SLC43A1: variants seen among roughly 807,000 people sequenced by gnomAD.
SLC43A1 encodes the protein solute carrier family 43 member 1, also known as large neutral amino acids transporter small subunit 3.
SLC43A1 carries 31 observed loss-of-function variants against 59.5 expected under a neutral mutation model. The observed-to-expected ratio is 0.52, with a 90% CI of 0.39 to 0.70. The LOEUF is 0.70. SLC43A1 is among the 30% of genes least tolerant of loss of function. The probability of loss-of-function intolerance (pLI) is 0.00; values close to 1 mark genes in which losing one functional copy is unlikely to be tolerated. For missense variants in SLC43A1, 598 were observed against 717.8 expected (o/e 0.83, Z 1.91); for synonymous variants, 259 against 290.9 (o/e 0.89, Z 1.12).
At chr11:57,489,453 G>T in intron 11 of SLC43A1, 61 bp from the exon 12 acceptor site, 1 of 1,591,442 alleles carries the variant, frequency 6.3e-7, no homozygotes, top group Non-Finnish European at 8.6e-7. Context: ...CCTGGTTCTT[G>T]GCCTGGCCCC....
rs1943688667 is a variant in SLC43A1 at position 57,484,968 on chromosome 11, T to C, written c.*128A>G. 1.7e-6 allele frequency: 2 copies of C among 1,157,316 alleles called. No homozygotes were observed. The allele number at this position is 1,157,316 out of a possible 1,614,324, so 71.7% of individuals were successfully genotyped here. A position where few individuals can be genotyped will look rare whatever the true frequency, so the allele number is the denominator to read the frequency against. On this transcript the variant is annotated 3_prime_UTR_variant, in exon 15 of 15. Transcript: ENST00000278426. ...GCAGTCTTTACAAAAATAGAACTTC[T>C]CTTGGTATTTATAAATCTACGGCCA...
intron 8 of SLC43A1, among the ~76,000 whole-genome samples, chr11:57,492,972 G>C (rs901117025): frequency 2.0e-5 from 3 of 151,850 alleles, no homozygotes; most frequent in African/African-American, 7.3e-5. Flanking sequence ...CCCGGGAGGC[G>C]GAGGTTGCAG....
intron 12 of SLC43A1, 65 bp from the exon 13 acceptor site, chr11:57,489,054 A>G: frequency 6.6e-7 from 1 of 1,519,554 alleles, no homozygotes; most frequent in Non-Finnish European, 9.1e-7. Context: ...AAGGAGGGGT[A>G]GGGCGAAGAG....
Position 57,515,142 on chromosome 11 carries a change from A to C in SLC43A1, c.-14+302T>G. On this transcript the variant is annotated intron_variant, in intron 1 of 14. Transcript: ENST00000278426. The surrounding 1 kb of genome is among the most constrained non-coding windows in gnomAD (Gnocchi z 5.3). Reference sequence around the variant, plus strand: ...GGGACTCGGTATTCTCATCTGTGAAACGGGGCTTTGGGTTCAAGCGCTCCA... The same window carrying C: ...GGGACTCGGTATTCTCATCTGTGAACCGGGGCTTTGGGTTCAAGCGCTCCA... 1 of 920,106 alleles carries C rather than the reference A, an allele frequency of 1.1e-6. No individual in the cohort carries two copies. The highest frequency in any genetic ancestry group is 1.3e-6 in the Non-Finnish European group (1 of 770,466). The allele number at this position is 920,106 out of a possible 1,614,324, so 57.0% of individuals were successfully genotyped here. A position where few individuals can be genotyped will look rare whatever the true frequency, so the allele number is the denominator to read the frequency against.
rs1435073016 is a variant in SLC43A1, at chr11:57,489,324, C to T, written c.1262G>A (p.Ser421Asn). 4 of 1,614,186 alleles carry T rather than the reference C, an allele frequency of 2.5e-6. No homozygotes were observed. Among genetic ancestry groups the T allele is most frequent in the Middle Eastern group, 1.6e-4 (1 of 6,062 alleles). Residue 421 changes from serine (S) to asparagine (N), a missense_variant, in exon 12 of 15, where the codon AGT (serine) becomes AAT (asparagine). Transcript: ENST00000278426. Reference sequence around the variant, plus strand: ...CAGCAGGTTGGTCAGGGTGAAGGCACTGATGGCATTGGTGAGCTTTTGGAT... The same window carrying T: ...CAGCAGGTTGGTCAGGGTGAAGGCATTGATGGCATTGGTGAGCTTTTGGAT... ...CKIQKLTNAISAFTLTNLLLV... is the reference protein window; with the variant it reads ...CKIQKLTNAINAFTLTNLLLV...
Position 57,513,954 on chromosome 11 carries a change from A to C in SLC43A1, c.154+4T>G, listed in dbSNP as rs1944616129. The C allele has an allele frequency of 1.2e-5, 7 of 604,814 alleles. No individual in the cohort carries two copies. The highest frequency in any genetic ancestry group is 2.0e-5 in the Non-Finnish European group (7 of 344,124). The allele number at this position is 604,814 out of a possible 1,614,324, so 37.5% of individuals were successfully genotyped here. A position where few individuals can be genotyped will look rare whatever the true frequency, so the allele number is the denominator to read the frequency against. ...CAGCCCACCCAGCCCATTTTCAGGCATACCTGGGCACGTGCTGGAATAGAA... is the reference window on the plus strand; with the variant it reads ...CAGCCCACCCAGCCCATTTTCAGGCCTACCTGGGCACGTGCTGGAATAGAA... On this transcript the variant is annotated splice_donor_region_variant and intron_variant, in intron 2 of 14. Transcript: ENST00000278426.
chr11:57,499,465 C>T (rs1435525592), intron 5 of SLC43A1: 1 of 152,320 alleles, frequency 6.6e-6, no homozygotes, highest in Non-Finnish European at 1.5e-5. Context: ...GCACCACTGC[C>T]AAGGACGCCA....
At chr11:57,491,690 C>G in intron 9 of SLC43A1, 26 bp downstream of exon 9, 2 of 1,614,210 alleles carry the variant, frequency 1.2e-6, no homozygotes, top group Non-Finnish European at 1.7e-6. Flanking sequence ...TGCCCCCAAC[C>G]CCCAGGGGCC....
At chr11:57,491,928 C>T in intron 8 of SLC43A1, 66 bp from the exon 9 acceptor site, 1 of 1,513,832 alleles carries the variant, frequency 6.6e-7, no homozygotes, top group East Asian at 2.3e-5. Context: ...TGTCCCAGCT[C>T]ATGCAGTTCT....
intron 14 of SLC43A1, 21 bp downstream of exon 14, chr11:57,487,074 C>G (rs199869262): frequency 2.7e-5 from 43 of 1,612,454 alleles, no homozygotes; most frequent in South Asian, 6.6e-5. Context: ...CTGCTCCCCC[C>G]ACACCAACCC....
At chr11:57,492,554 ATATAT>A (rs1943952665) in intron 8 of SLC43A1, among the ~76,000 whole-genome samples, 1 of 68,834 alleles carries the variant, frequency 1.5e-5, no homozygotes, top group Non-Finnish European at 2.7e-5. Flanking sequence ...ATATATATAT[ATATAT>A]ATATATATAT....
At position 57,514,965 on chromosome 11, in the gene SLC43A1, G is replaced by C. The variant is rs1007880321; in HGVS notation, c.-14+479C>G. On this transcript the variant is annotated intron_variant, in intron 1 of 14. Transcript: ENST00000278426. The surrounding 1 kb of genome is among the most constrained non-coding windows in gnomAD (Gnocchi z 5.5). ...GAGGGAAAGAGCCCCAGCTCCCCCC[G>C]CCGCGGCCGCTGCAGCCTCGGCGGG... 3.6e-4 allele frequency: 347 copies of C among 971,922 alleles called. 1 individual carries two copies. The African/African-American group carries it at 5.8e-3, about 16-fold the overall frequency. 60.2% of individuals were successfully genotyped at this position (971,922 alleles called of 1,614,324 possible).
At chr11:57,491,505 G>A (rs1013262011) in intron 10 of SLC43A1, 86 bp downstream of exon 10, 3 of 1,589,948 alleles carry the variant, frequency 1.9e-6, no homozygotes, top group African/African-American at 2.7e-5. Flanking sequence ...TACCTGGGTG[G>A]GCCCAGGCCT....
chr11:57,497,286 G>A (rs1217268534), intron 6 of SLC43A1, among the ~76,000 whole-genome samples: 2 of 152,162 alleles, frequency 1.3e-5, no homozygotes, highest in Non-Finnish European at 2.9e-5. Context: ...CCCTGGCTTC[G>A]AGGTACACCA....
At chr11:57,487,724 C>G (rs1489343225) in intron 13 of SLC43A1, among the ~76,000 whole-genome samples, 1 of 151,482 alleles carries the variant, frequency 6.6e-6, no homozygotes, top group Non-Finnish European at 1.5e-5. Context: ...GAGAAGCGGG[C>G]AGTAGGGAGG....
At chr11:57,505,106 G>T (rs551088266) in intron 2 of SLC43A1, among the ~76,000 whole-genome samples, 1 of 152,370 alleles carries the variant, frequency 6.6e-6, no homozygotes, top group East Asian at 1.9e-4. Flanking sequence ...AGGGAAAGCA[G>T]TGTTTCCCAA....
chr11:57,491,059 A>C (rs1431124766), intron 11 of SLC43A1, among the ~76,000 whole-genome samples, 165 bp downstream of exon 11: 4 of 152,266 alleles, frequency 2.6e-5, no homozygotes, highest in Non-Finnish European at 5.9e-5. Flanking sequence ...TAAGCAAGCC[A>C]GGTCCCTTCC....
intron 2 of SLC43A1, among the ~76,000 whole-genome samples, chr11:57,509,784 G>A (rs1183231984): frequency 6.6e-6 from 1 of 152,014 alleles, no homozygotes; most frequent in African/African-American, 2.4e-5. Flanking sequence ...TGTGACCTGA[G>A]ATTAGGCAAT....
At chr11:57,486,546 T>C (rs1943732065) in intron 14 of SLC43A1, among the ~76,000 whole-genome samples, 1 of 143,718 alleles carries the variant, frequency 7.0e-6, no homozygotes, top group Non-Finnish European at 1.5e-5. Context: ...AGGCATGTAA[T>C]CCCAGCACTT....
Sources: allele counts gnomAD v4.1 joint callset (sites outside exome capture counted in the v4.1 genomes callset), GRCh38; gene constraint gnomAD v4.1.1; non-coding constraint Gnocchi (gnomAD v3.1); transcripts MANE v1.5; gene names NCBI Gene and HGNC (gene_info 2026-07-23, HGNC 2026-07-21).